The following BRINP2 variants were observed in gnomAD, a reference collection of about 807,000 sequenced individuals.
BRINP2 encodes BMP/retinoic acid-inducible neural-specific protein 2.
In BRINP2, 21 loss-of-function variants were observed where a neutral mutation model predicts 69.2. The observed-to-expected ratio is 0.30, with a 90% CI of 0.22 to 0.44. The LOEUF (loss-of-function observed/expected upper bound fraction) is 0.44, where lower values mean the gene tolerates loss of function less well. Ranked by LOEUF, BRINP2 falls within the 20% of genes least tolerant of loss-of-function variation. The probability of loss-of-function intolerance (pLI) is 1.00; values close to 1 mark genes in which losing one functional copy is unlikely to be tolerated. For missense variants in BRINP2, 877 were observed against 986.0 expected (o/e 0.89, Z 1.48); for synonymous variants, 380 against 394.1 (o/e 0.96, Z 0.42).
chr1:177,257,050 G>T, intron 3 of BRINP2, 126 bp from the exon 4 acceptor site: 1 of 1,556,254 alleles, frequency 6.4e-7, no homozygotes, highest in East Asian at 2.3e-5. Flanking sequence ...GCTGGGGGAA[G>T]AGCTTGGCAG....
At position 177,281,602 on chromosome 1, in the gene BRINP2, C is replaced by T; in HGVS notation, c.*74C>T. The T allele has an allele frequency of 2.7e-6, 4 of 1,493,232 alleles. No individual in the cohort carries two copies. Among genetic ancestry groups the T allele is most frequent in the Non-Finnish European group, 3.6e-6 (4 of 1,123,484 alleles). The allele number at this position is 1,493,232 out of a possible 1,614,324, so 92.5% of individuals were successfully genotyped here. ...GGTACAAAGATAATCTAAGCCCTCA[C>T]CTTAGTGCCAACAGGGTGTGCTCCC... On this transcript the variant is annotated 3_prime_UTR_variant, in exon 8 of 8. Coordinates refer to ENST00000361539, the MANE Select transcript of BRINP2 (RefSeq NM_021165.4).
At chr1:177,264,272 A>G (rs1651053466) in intron 4 of BRINP2, among the ~76,000 whole-genome samples, 1 of 152,146 alleles carries the variant, frequency 6.6e-6, no homozygotes, top group African/African-American at 2.4e-5. Flanking sequence ...ATTCATCACT[A>G]TAATCTCAAT....
At chr1:177,206,859 C>G (rs1649083023) in intron 1 of BRINP2, among the ~76,000 whole-genome samples, 1 of 152,114 alleles carries the variant, frequency 6.6e-6, no homozygotes, top group African/African-American at 2.4e-5. Context: ...GTCCATCTAT[C>G]TAAGACATCC....
chr1:177,217,381 TCTC>T (rs1212160838), intron 1 of BRINP2, among the ~76,000 whole-genome samples: 1 of 152,220 alleles, frequency 6.6e-6, no homozygotes, highest in Non-Finnish European at 1.5e-5. Flanking sequence ...TTGTCAAACT[TCTC>T]CTGTTTGTGT....
intron 2 of BRINP2, among the ~76,000 whole-genome samples, chr1:177,240,380 C>T (rs929117556): frequency 2.0e-5 from 3 of 152,170 alleles, no homozygotes; most frequent in Non-Finnish European, 2.9e-5. Flanking sequence ...GGGCATTACC[C>T]TTATTTGATC....
intron 2 of BRINP2, among the ~76,000 whole-genome samples, chr1:177,239,031 A>G (rs1329085269): frequency 6.6e-6 from 1 of 152,222 alleles, no homozygotes; most frequent in South Asian, 2.1e-4. Flanking sequence ...GAACCTGTCC[A>G]TTAATGATAA....
intron 1 of BRINP2, among the ~76,000 whole-genome samples, chr1:177,206,245 A>G (rs914996095): frequency 6.6e-6 from 1 of 152,230 alleles, no homozygotes; most frequent in African/African-American, 2.4e-5. Context: ...CAACCTCATA[A>G]GAGACCCAGA....
rs530185539 is a variant in BRINP2, at chr1:177,280,552, C to T, written c.1376C>T (p.Ala459Val). The change falls in exon 8 of 8, where the codon GCC becomes GTC. Residue 459 changes from alanine (A) to valine (V), a missense_variant. Transcript: ENST00000361539. ...QSSCQGPIPC[A>V]LGEGPACAHC... Reference sequence around the variant, plus strand: ...TCCTGCCAGGGCCCCATCCCATGTGCCTTGGGCGAAGGGCCCGCGTGTGCC... The same window carrying T: ...TCCTGCCAGGGCCCCATCCCATGTGTCTTGGGCGAAGGGCCCGCGTGTGCC... The T allele has an allele frequency of 1.4e-5, 23 of 1,614,216 alleles. No individual in the cohort carries two copies. The highest frequency in any genetic ancestry group is 1.9e-5 in the Non-Finnish European group (22 of 1,180,038).
chr1:177,257,535 C>T (rs556206049), intron 4 of BRINP2, 151 bp downstream of exon 4: 14 of 764,588 alleles, frequency 1.8e-5, no homozygotes, highest in East Asian at 2.7e-5. Context: ...CCTTCAGACA[C>T]GATGGGGTCA....
intron 1 of BRINP2, among the ~76,000 whole-genome samples, chr1:177,211,944 T>G (rs895837221): frequency 2.0e-5 from 3 of 152,324 alleles, no homozygotes; most frequent in Admixed American, 2.0e-4. Context: ...TCCATAATTT[T>G]TGTGCATGTA....
At chr1:177,263,519 G>C (rs1034153982) in intron 4 of BRINP2, among the ~76,000 whole-genome samples, 3 of 152,176 alleles carry the variant, frequency 2.0e-5, no homozygotes, top group Non-Finnish European at 4.4e-5. Context: ...GCCACTGCTA[G>C]AGAAGGCTGC....
At chr1:177,218,217 GT>G (rs1191212032) in intron 1 of BRINP2, among the ~76,000 whole-genome samples, 1 of 152,158 alleles carries the variant, frequency 6.6e-6, no homozygotes, top group African/African-American at 2.4e-5. Flanking sequence ...GCTCCTGACT[GT>G]AGCAGATCTA....
In BRINP2 at chr1:177,281,170, C is replaced by T; in HGVS notation, c.1994C>T (p.Pro665Leu). 1 of 1,614,156 alleles carries T rather than the reference C, an allele frequency of 6.2e-7. No homozygotes were observed. Among genetic ancestry groups the T allele is most frequent in the Non-Finnish European group, 8.5e-7 (1 of 1,180,032 alleles). The change falls in exon 8 of 8, where the codon CCC becomes CTC. Residue 665 changes from proline (P) to leucine (L), a missense_variant. This residue lies in a region of BRINP2 where 225 missense variants were observed against 218.7 expected (regional missense o/e 1.03). Coordinates refer to ENST00000361539, the MANE Select transcript of BRINP2 (RefSeq NM_021165.4). Reference sequence around the variant, plus strand: ...TCCAATGAGACAATCTACTATGAGCCCCTGGAGATGACTGATCCCTCTAAG... The same window carrying T: ...TCCAATGAGACAATCTACTATGAGCTCCTGGAGATGACTGATCCCTCTAAG... ...DSSNETIYYE[P>L]LEMTDPSKNL...
At chr1:177,259,145 G>T (rs1650861165) in intron 4 of BRINP2, among the ~76,000 whole-genome samples, 1 of 152,144 alleles carries the variant, frequency 6.6e-6, no homozygotes, top group African/African-American at 2.4e-5. Context: ...TGCTAGTCCG[G>T]TGAATACAAG....
chr1:177,173,484 C>T (rs1351980814), intron 1 of BRINP2, among the ~76,000 whole-genome samples: 2 of 152,152 alleles, frequency 1.3e-5, no homozygotes, highest in Non-Finnish European at 2.9e-5. Context: ...ATGGAGCTGG[C>T]TTTGTCTCCC....
intron 1 of BRINP2, among the ~76,000 whole-genome samples, chr1:177,198,553 G>T (rs1277830957): frequency 6.6e-6 from 1 of 152,176 alleles, no homozygotes; most frequent in African/African-American, 2.4e-5. Flanking sequence ...CCCTTAGGAA[G>T]TCCTCCAAAT....
At position 177,281,286 on chromosome 1, in the gene BRINP2, T is replaced by G; in HGVS notation, c.2110T>G (p.Leu704Val). The G allele has an allele frequency of 1.2e-6, 2 of 1,614,140 alleles. No individual in the cohort carries two copies. Among genetic ancestry groups the G allele is most frequent in the Non-Finnish European group, 1.7e-6 (2 of 1,180,008 alleles). Residue 704 changes from leucine to valine, a missense_variant, in exon 8 of 8, where the codon TTG (leucine) becomes GTG (valine). This residue lies in a region of BRINP2 where 225 missense variants were observed against 218.7 expected (regional missense o/e 1.03). Transcript: ENST00000361539. ...TGCTATCCGGGACTTAATTCTCCAG[T>G]TGGACTACCCATATACTCAAGGTTC... The part of the protein sequence containing the change: ...PDAIRDLILQ[L>V]DYPYTQGSQD...
chr1:177,232,707 T>A (rs971739103), intron 2 of BRINP2, among the ~76,000 whole-genome samples: 3 of 151,892 alleles, frequency 2.0e-5, no homozygotes, highest in African/African-American at 7.2e-5. Context: ...CTAAAGCAGG[T>A]CAAAGAAAAC....
chr1:177,211,642 G>A (rs1337509722), intron 1 of BRINP2, among the ~76,000 whole-genome samples: 1 of 152,152 alleles, frequency 6.6e-6, no homozygotes, highest in East Asian at 1.9e-4. Flanking sequence ...CTTTTTGGCA[G>A]GACTATCACA....
Sources: allele counts gnomAD v4.1 joint callset (sites outside exome capture counted in the v4.1 genomes callset), GRCh38; gene constraint gnomAD v4.1.1; regional missense constraint gnomAD v4.1.1; transcripts MANE v1.5; gene names NCBI Gene and HGNC (gene_info 2026-07-23, HGNC 2026-07-21).